PCDHA2: variants seen among roughly 807,000 people sequenced by gnomAD.
The protein encoded by PCDHA2 is protocadherin alpha-2.
In PCDHA2, 58 loss-of-function variants were observed where a neutral mutation model predicts 66.0. The observed-to-expected ratio is 0.88, with a 90% confidence interval of 0.71 to 1.09. The LOEUF is 1.09. Ranked by LOEUF, PCDHA2 falls within the 50% of genes least tolerant of loss-of-function variation. The probability of loss-of-function intolerance (pLI) is 0.00; values close to 1 mark genes in which losing one functional copy is unlikely to be tolerated. For missense variants in PCDHA2, 1,267 were observed against 1,242.3 expected (o/e 1.02, Z -0.30); for synonymous variants, 634 against 554.0 (o/e 1.14, Z -2.03).
intron 1 of PCDHA2, among the ~76,000 whole-genome samples, chr5:140,900,220 A>G (rs2067832167): frequency 6.6e-6 from 1 of 152,132 alleles, no homozygotes; most frequent in South Asian, 2.1e-4. Context: ...GTTGTTGCAA[A>G]TGACTGGATC....
intron 1 of PCDHA2, chr5:140,836,251 G>A: frequency 6.2e-7 from 1 of 1,613,786 alleles, no homozygotes; most frequent in South Asian, 1.1e-5. Flanking sequence ...ATCCCGTTCC[G>A]CGTGGGGCTG....
At chr5:140,882,802 C>T (rs782615396) in intron 1 of PCDHA2, 21 of 1,614,206 alleles carry the variant, frequency 1.3e-5, no homozygotes, top group Non-Finnish European at 1.5e-5. Context: ...ACGATTATTT[C>T]ACTTTGGACG....
chr5:140,871,300 C>T (rs1562661811), intron 1 of PCDHA2: 4 of 1,613,916 alleles, frequency 2.5e-6, no homozygotes, highest in Non-Finnish European at 3.4e-6. Context: ...CGCGTGCGCG[C>T]CGGGGAAGCC....
chr5:140,877,987 C>A (rs1290531354), intron 1 of PCDHA2: 13 of 1,151,196 alleles, frequency 1.1e-5, no homozygotes, highest in African/African-American at 3.1e-5. Context: ...TCATTTTGAA[C>A]TTTTATGTAT....
At chr5:140,836,195 C>A (rs2150255060) in intron 1 of PCDHA2, 3 of 1,613,858 alleles carry the variant, frequency 1.9e-6, no homozygotes, top group Admixed American at 1.7e-5. Context: ...CAGGCTACAA[C>A]GCGTGGCTTT....
rs1378161589 is a variant in PCDHA2 at position 140,853,784 on chromosome 5, G to A, written c.2388+56432G>A. Reference sequence around the variant, plus strand: ...AGAAATTCTGAAATGGGTAGTAAGAGCAAATTTTCATTTTAAAGCACACCT... The same window carrying A: ...AGAAATTCTGAAATGGGTAGTAAGAACAAATTTTCATTTTAAAGCACACCT... On this transcript the variant is annotated intron_variant, in intron 1 of 3. Coordinates refer to ENST00000526136, the MANE Select transcript of PCDHA2 (RefSeq NM_018905.3). The A allele has an allele frequency of 6.1e-6, 6 of 987,548 alleles. 1 individual carries two copies. Among genetic ancestry groups the A allele is most frequent in the Non-Finnish European group, 7.3e-6 (6 of 819,678 alleles). The allele number at this position is 987,548 out of a possible 1,614,324, so 61.2% of individuals were successfully genotyped here.
At chr5:140,985,386 T>A (rs2097149117) in intron 3 of PCDHA2, among the ~76,000 whole-genome samples, 1 of 152,170 alleles carries the variant, frequency 6.6e-6, no homozygotes, top group African/African-American at 2.4e-5. Context: ...TATAATCCAG[T>A]CACCCCAACT....
intron 1 of PCDHA2, among the ~76,000 whole-genome samples, chr5:140,799,574 A>G (rs1762445629): frequency 1.3e-5 from 2 of 152,090 alleles, no homozygotes; most frequent in South Asian, 4.1e-4. Context: ...TGTAAGTTTG[A>G]TATTAACAAA....
chr5:140,926,919 A>G, intron 1 of PCDHA2: 9 of 1,566,668 alleles, frequency 5.7e-6, no homozygotes, highest in Non-Finnish European at 7.8e-6. Flanking sequence ...TGGCAGTTTT[A>G]TGTTTGTGGG....
intron 1 of PCDHA2, chr5:140,829,910 C>T (rs2150177583): frequency 3.7e-6 from 6 of 1,613,984 alleles, no homozygotes; most frequent in South Asian, 3.3e-5. Flanking sequence ...CAACGCGTGG[C>T]TTTCGTATGA....
In PCDHA2 at chr5:140,850,779, G is replaced by A. The variant is rs1554144905; in HGVS notation, c.2388+53427G>A. 6.3e-7 allele frequency: 1 copy of A among 1,598,204 alleles called. No homozygotes were observed. Among genetic ancestry groups the A allele is most frequent in the Non-Finnish European group, 8.6e-7 (1 of 1,167,724 alleles). ...GAGGAGGCAGAGGGTGTGCTCTGGC[G>A]AGGGTAAGCAGAAGACCGACCTCAT... On this transcript the variant is annotated intron_variant, in intron 1 of 3. Coordinates refer to ENST00000526136, the MANE Select transcript of PCDHA2 (RefSeq NM_018905.3).
chr5:140,813,507 A>T (rs2126647034), intron 1 of PCDHA2: 1 of 152,320 alleles, frequency 6.6e-6, no homozygotes, highest in African/African-American at 2.4e-5. Flanking sequence ...TACAGTAAAA[A>T]CATTGTACAG....
At chr5:140,883,756 G>A (rs1404911116) in intron 1 of PCDHA2, 7 of 1,612,950 alleles carry the variant, frequency 4.3e-6, no homozygotes, top group Non-Finnish European at 5.1e-6. Flanking sequence ...CGCTGGTGGA[G>A]CGGCGGGTGG....
chr5:140,938,679 T>C (rs574212689), intron 1 of PCDHA2, among the ~76,000 whole-genome samples: 1 of 152,302 alleles, frequency 6.6e-6, no homozygotes, highest in South Asian at 2.1e-4. Flanking sequence ...CCTAACATTT[T>C]CTTTACAGTT....
At chr5:140,882,175 G>A in intron 1 of PCDHA2, 1 of 1,515,150 alleles carries the variant, frequency 6.6e-7, no homozygotes. Flanking sequence ...GAATCCTTCC[G>A]CACTAGGAAG....
At chr5:140,833,817 G>A (rs1772671317) in intron 1 of PCDHA2, among the ~76,000 whole-genome samples, 1 of 152,028 alleles carries the variant, frequency 6.6e-6, no homozygotes, top group Non-Finnish European at 1.5e-5. Context: ...GAGATCCTGG[G>A]TCCCTAAAAG....
rs1476497862 is a variant in PCDHA2 at position 140,947,129 on chromosome 5, T to TAGTAAAATG, written c.2389-31819_2389-31811dup. Among the ~76,000 whole-genome samples the TAGTAAAATG allele has an allele frequency of 1.0e-3, 152 of 151,378 alleles. 1 individual carries two copies. Among genetic ancestry groups the TAGTAAAATG allele is most frequent in the African/African-American group, 3.5e-3 (145 of 41,346 alleles). On this transcript the variant is annotated intron_variant, in intron 1 of 3. Transcript: ENST00000526136. The stretch of plus-strand genomic sequence containing the variant: ...TACGTGTCAATTAAAATAATAAAAA[T>TAGTAAAATG]AGTAAAATGTATAGTTACTTCCACG...
At chr5:140,833,623 C>T (rs2150209911) in intron 1 of PCDHA2, among the ~76,000 whole-genome samples, 3 of 152,064 alleles carry the variant, frequency 2.0e-5, no homozygotes, top group Non-Finnish European at 4.4e-5. Context: ...ATTCAGAATA[C>T]TTCCTCCTCA....
chr5:140,853,105 T>G, intron 1 of PCDHA2: 1 of 397,242 alleles, frequency 2.5e-6, no homozygotes, highest in African/African-American at 2.2e-5. Context: ...GGTCTCGATC[T>G]CCTGACCTCA....
Sources: gnomAD v4.1 joint callset for allele counts (sites outside exome capture counted in the v4.1 genomes callset) on GRCh38, gnomAD v4.1.1 for gene constraint, MANE v1.5 for transcripts, NCBI Gene and HGNC (gene_info 2026-07-23, HGNC 2026-07-21) for gene names.